Variants in HNRNPK observed in about 807,000 individuals in gnomAD.
HNRNPK encodes the protein dC-stretch binding protein.
Under a neutral mutation model 67.0 loss-of-function variants are expected in HNRNPK, and 7 were observed. The ratio of observed to expected loss-of-function variants is 0.10; its 90% CI spans 0.06 to 0.20. The LOEUF (loss-of-function observed/expected upper bound fraction) is 0.20. Among genes scored for constraint, HNRNPK ranks in the 10% least tolerant of loss-of-function variants. The pLI, the probability that HNRNPK is intolerant of heterozygous loss-of-function variation, is 1.00. For missense variants in HNRNPK, 264 were observed against 606.5 expected, an observed-to-expected ratio of 0.44 and a Z score of 5.93; for synonymous variants, 213 against 193.7, an observed-to-expected ratio of 1.10 and a Z score of -0.83.
At chr9:83,979,078 A>G (rs901487909) in intron 1 of HNRNPK, among the ~76,000 whole-genome samples, 8 of 152,356 alleles carry the variant, frequency 5.3e-5, no homozygotes, top group African/African-American at 1.9e-4. Flanking sequence ...TTAAGGGAGT[A>G]CAACACAACA....
chr9:83,975,573 T>A (rs1957035345), intron 5 of HNRNPK, 68 bp from the exon 6 acceptor site: 1 of 1,327,480 alleles, frequency 7.5e-7, no homozygotes, highest in Admixed American at 1.7e-5. Flanking sequence ...AGTTGTCAAG[T>A]ATGGTACCCG....
intron 4 of HNRNPK, among the ~76,000 whole-genome samples, chr9:83,977,399 A>G (rs1213414389): frequency 6.6e-6 from 1 of 152,176 alleles, no homozygotes. Flanking sequence ...ACTGCCAACC[A>G]AGCAGTTTCC....
At chr9:83,969,858 TG>T (rs1468762443) in intron 16 of HNRNPK, 2 of 610,784 alleles carry the variant, frequency 3.3e-6, no homozygotes, top group Non-Finnish European at 6.4e-6. Context: ...CAACATCCAA[TG>T]AATCTTCTAT....
chr9:83,977,168 T>C (rs1957106407), intron 4 of HNRNPK, 117 bp from the exon 5 acceptor site: 1 of 721,160 alleles, frequency 1.4e-6, no homozygotes, highest in Non-Finnish European at 2.4e-6. Flanking sequence ...AATAAAAATC[T>C]ATTTGGGGTT....
At chr9:83,980,362 T>A (rs1000539971), upstream of HNRNPK, 8 of 152,342 alleles carry the variant, frequency 5.3e-5, no homozygotes, top group African/African-American at 1.7e-4. Context: ...CAACCCCGCC[T>A]CCCGCCAGCG....
At chr9:83,970,483 T>C (rs1043773590) in intron 15 of HNRNPK, 152 bp from the exon 16 acceptor site, 36 of 680,294 alleles carry the variant, frequency 5.3e-5, no homozygotes, top group Non-Finnish European at 8.1e-5. Flanking sequence ...TGAGTTATAA[T>C]GTATTTATGT....
upstream of HNRNPK, chr9:83,980,564 G>A (rs1588449441): frequency 6.5e-6 from 1 of 152,786 alleles, no homozygotes; most frequent in Non-Finnish European, 1.5e-5. Context: ...CAGAGAAACA[G>A]AGGATAATGG....
Position 83,970,134 on chromosome 9 carries a change from G to C in HNRNPK, c.1361+28C>G, listed in dbSNP as rs1956761604. On this transcript the variant is annotated intron_variant, in intron 16 of 16. Transcript: ENST00000376263. The stretch of plus-strand genomic sequence containing the variant: ...TTTTTAAAGGTTTTAGTATGTATAA[G>C]CTAACACAAAGCTAAACTTAAACTG... 6.3e-6 allele frequency: 10 copies of C among 1,579,990 alleles called. No homozygotes were observed. In the Admixed American group the frequency reaches 1.8e-4, roughly 28 times the overall value.
intron 4 of HNRNPK, 82 bp downstream of exon 4, chr9:83,977,607 T>C: frequency 1.3e-6 from 1 of 760,274 alleles, no homozygotes; most frequent in African/African-American, 1.8e-5. Context: ...TGTAAAACTT[T>C]GACTTTCTAG....
chr9:83,977,684 TA>T lies in HNRNPK; in HGVS notation c.156+4del. The T allele has an allele frequency of 6.4e-7, 1 of 1,560,982 alleles. No homozygotes were observed. The highest frequency in any genetic ancestry group is 2.1e-4 in the Middle Eastern group (1 of 4,688). On this transcript the variant is annotated splice_donor_region_variant and intron_variant, in intron 4 of 16. Coordinates refer to ENST00000376263, the MANE Select transcript of HNRNPK (RefSeq NM_031263.4). Reference sequence around the variant, plus strand: ...CCTTCAAATTTTCAAGAATAAAATTTATACCTTGCTCTGAAGCAGAATGCGT... The same window carrying T: ...CCTTCAAATTTTCAAGAATAAAATTTTACCTTGCTCTGAAGCAGAATGCGT...
intron 1 of HNRNPK, among the ~76,000 whole-genome samples, chr9:83,979,932 G>A (rs113390089): frequency 6.6e-6 from 1 of 152,174 alleles, no homozygotes; most frequent in Non-Finnish European, 1.5e-5. Flanking sequence ...GCTCATCCTA[G>A]AGGCACATGC....
chr9:83,968,269 TTCA>T lies in HNRNPK; in HGVS notation c.*1135_*1137del, dbSNP rs1363626183. The T allele has an allele frequency of 1.3e-5, 2 of 152,560 alleles. No individual in the cohort carries two copies. Among genetic ancestry groups the T allele is most frequent in the Non-Finnish European group, 2.9e-5 (2 of 67,982 alleles). The allele number at this position is 152,560 out of a possible 1,614,324, so 9.5% of individuals were successfully genotyped here. On this transcript the variant is annotated 3_prime_UTR_variant, in exon 17 of 17. Coordinates refer to ENST00000376263, the MANE Select transcript of HNRNPK (RefSeq NM_031263.4). ...ACACAAAACATCCACAGGAACTTTT[TTCA>T]TCTTTTTTTTTTTTGAATTGTACAC...
chr9:83,978,464 A>G lies in HNRNPK; in HGVS notation c.-107-12T>C. The G allele has an allele frequency of 1.1e-6, 1 of 911,650 alleles. No homozygotes were observed. The highest frequency in any genetic ancestry group is 1.5e-6 in the Non-Finnish European group (1 of 679,168). The allele number at this position is 911,650 out of a possible 1,614,324, so 56.5% of individuals were successfully genotyped here. ...AGTGCTGCAGTAGCCTATAAGAACCAACACAAATCAGTTTTGCTTTTGTTT... is the reference window on the plus strand; with the variant it reads ...AGTGCTGCAGTAGCCTATAAGAACCGACACAAATCAGTTTTGCTTTTGTTT... On this transcript the variant is annotated splice_polypyrimidine_tract_variant and intron_variant, in intron 1 of 16. Coordinates refer to ENST00000376263, the MANE Select transcript of HNRNPK (RefSeq NM_031263.4).
chr9:83,977,001 A>G lies in HNRNPK; in HGVS notation c.207T>C (p.Arg69=), dbSNP rs774054005. 1.2e-6 allele frequency: 2 copies of G among 1,603,696 alleles called. No individual in the cohort carries two copies. Among genetic ancestry groups the G allele is most frequent in the South Asian group, 2.2e-5 (2 of 90,854 alleles). Reference sequence around the variant, plus strand: ...TTAAACTCTTAATACTTACGTCTGTACGGAGAGCCTTAATATTCTTGCCTC... The same window carrying G: ...TTAAACTCTTAATACTTACGTCTGTGCGGAGAGCCTTAATATTCTTGCCTC... ...GKGGKNIKAL[R]TDYNASVSVP... The change falls in exon 5 of 17, where the codon CGT becomes CGC. Residue 69 remains arginine, a synonymous_variant. Coordinates refer to ENST00000376263, the MANE Select transcript of HNRNPK (RefSeq NM_031263.4).
At position 83,971,759 on chromosome 9, in the gene HNRNPK, T is replaced by TTA. The variant is rs1485392613; in HGVS notation, c.954-34_954-33insTA. 11 of 1,602,926 alleles carry TTA rather than the reference T, an allele frequency of 6.9e-6. No homozygotes were observed. In the African/African-American group the frequency reaches 1.5e-4, roughly 21 times the overall value. On this transcript the variant is annotated intron_variant, in intron 11 of 16. Coordinates refer to ENST00000376263, the MANE Select transcript of HNRNPK (RefSeq NM_031263.4). ...CATAGTACTTGTTGTAATCTAAACG[T>TTA]GCTTACATGCCACACATATCAAATC... is the stretch of plus-strand genomic sequence containing the variant.
At position 83,971,904 on chromosome 9, in the gene HNRNPK, G is replaced by C; in HGVS notation, c.931C>G (p.Pro311Ala). The change falls in exon 11 of 17, where the codon CCA becomes GCA. Residue 311 changes from proline to alanine, a missense_variant. By Grantham distance (27) the Pro-to-Ala change is conservative. Around this residue, in one of 6 missense-constraint regions of HNRNPK, gnomAD observed 142 missense variants for 256.5 expected, o/e 0.55. Coordinates refer to ENST00000376263, the MANE Select transcript of HNRNPK (RefSeq NM_031263.4). ...TACCCCCCTCTAGGTGGTGGTGGTG[G>C]AGGAAGAGGAAGATTCCGAGCTCTG... is the stretch of plus-strand genomic sequence containing the variant. ...GSRARNLPLP[P>A]PPPPRGGDLM... 6.4e-7 allele frequency: 1 copy of C among 1,560,150 alleles called. No homozygotes were observed. Among genetic ancestry groups the C allele is most frequent in the Non-Finnish European group, 8.7e-7 (1 of 1,154,340 alleles).
At chr9:83,972,274 A>C in intron 10 of HNRNPK, 85 bp from the exon 11 acceptor site, 1 of 1,011,340 alleles carries the variant, frequency 9.9e-7, no homozygotes, top group Non-Finnish European at 1.5e-6. Context: ...TCATCAAACA[A>C]AATGTAAGTC....
chr9:83,978,708 T>C (rs781083287), intron 1 of HNRNPK, among the ~76,000 whole-genome samples: 2 of 152,254 alleles, frequency 1.3e-5, no homozygotes, highest in African/African-American at 2.4e-5. Flanking sequence ...ATGAATTGTT[T>C]TATACGGCAC....
Position 83,969,266 on chromosome 9 carries a change from C to T in HNRNPK, c.*141G>A, listed in dbSNP as rs1472212468. On this transcript the variant is annotated 3_prime_UTR_variant, in exon 17 of 17. Coordinates refer to ENST00000376263, the MANE Select transcript of HNRNPK (RefSeq NM_031263.4). ...TCACTACACCTCAAATGCAGAACAC[C>T]TATGAAGCAGAGGAATGTTGGCTTT... is the stretch of plus-strand genomic sequence containing the variant. The T allele has an allele frequency of 1.4e-6, 1 of 735,452 alleles. No individual in the cohort carries two copies. The highest frequency in any genetic ancestry group is 1.8e-5 in the African/African-American group (1 of 56,206). The allele number at this position is 735,452 out of a possible 1,614,324, so 45.6% of individuals were successfully genotyped here. A position where few individuals can be genotyped will look rare whatever the true frequency, so the allele number is the denominator to read the frequency against.
Sources: allele counts gnomAD v4.1 joint callset (sites outside exome capture counted in the v4.1 genomes callset), GRCh38; gene constraint gnomAD v4.1.1; regional missense constraint gnomAD v4.1.1; transcripts MANE v1.5; gene names NCBI Gene and HGNC (gene_info 2026-07-23, HGNC 2026-07-21).